The following ABHD12 variants were observed in gnomAD, a reference collection of about 807,000 sequenced individuals.
ABHD12 encodes abhydrolase domain containing 12, lysophospholipase.
ABHD12 carries 43 observed loss-of-function variants against 58.3 expected under a neutral mutation model. That is an observed-to-expected ratio of 0.74 (90% CI 0.58 to 0.95). The LOEUF (loss-of-function observed/expected upper bound fraction) is 0.95. Ranked by LOEUF, ABHD12 falls within the 40% of genes least tolerant of loss-of-function variation. The pLI, the probability that ABHD12 is intolerant of heterozygous loss-of-function variation, is 0.00. For missense variants in ABHD12, 539 were observed against 537.2 expected, an observed-to-expected ratio of 1.00 and a Z score of -0.03; for synonymous variants, 219 against 211.2, an observed-to-expected ratio of 1.04 and a Z score of -0.32.
intron 6 of ABHD12, among the ~76,000 whole-genome samples, chr20:25,309,804 C>A (rs1404560047): frequency 5.9e-5 from 9 of 152,184 alleles, no homozygotes; most frequent in Non-Finnish European, 1.0e-4. Flanking sequence ...CCAGCAGCAA[C>A]CCTGCCCTGC....
exon 13 of ABHD12, chr20:25,294,961 T>A: frequency 6.2e-7 from 1 of 1,614,138 alleles, no homozygotes; most frequent in Non-Finnish European, 8.5e-7. Flanking sequence ...CCGTGTCACC[T>A]GTTGGCTTCA....
chr20:25,307,838 G>A (rs2088773158), intron 9 of ABHD12, 128 bp downstream of exon 9: 1 of 401,216 alleles, frequency 2.5e-6, no homozygotes. Context: ...AATTTTTAAT[G>A]AAATCTGTAT....
downstream of ABHD12, among the ~76,000 whole-genome samples, chr20:25,298,328 C>T (rs368072352): frequency 1.3e-5 from 2 of 152,064 alleles, no homozygotes; most frequent in African/African-American, 4.8e-5. Context: ...TGCAGTGGCA[C>T]GGTCTTGGCT....
intron 1 of ABHD12, among the ~76,000 whole-genome samples, chr20:25,356,721 G>T (rs1231059717): frequency 6.6e-6 from 1 of 152,212 alleles, no homozygotes; most frequent in Non-Finnish European, 1.5e-5. Flanking sequence ...AGAGTGGTAG[G>T]AGAGGGGTCT....
intron 2 of ABHD12, among the ~76,000 whole-genome samples, chr20:25,338,531 T>C (rs2089409822): frequency 6.6e-6 from 1 of 152,134 alleles, no homozygotes; most frequent in South Asian, 2.1e-4. Flanking sequence ...GCCTCTGCCT[T>C]TGACCTCATG....
At chr20:25,354,770 G>GA (rs960690407) in intron 1 of ABHD12, among the ~76,000 whole-genome samples, 32 of 150,440 alleles carry the variant, frequency 2.1e-4, no homozygotes, top group African/African-American at 6.3e-4. Context: ...TACTATTTTA[G>GA]AAAAAAAAAA....
Position 25,322,378 on chromosome 20 carries a change from TA to T in ABHD12, c.422+946del, listed in dbSNP as rs1227929888. Among the ~76,000 whole-genome samples, 71 of 58,880 alleles carry T rather than the reference TA, an allele frequency of 1.2e-3. 6 individuals are homozygous for T. The highest frequency in any genetic ancestry group is 7.9e-3 in the Middle Eastern group (1 of 126). 38.6% of individuals were successfully genotyped at this position (58,880 alleles called of 152,430 possible). On this transcript the variant is annotated intron_variant, in intron 3 of 12. Transcript: ENST00000339157. ...CTTGGAAAAGATATATATATATATA[TA>T]TATTTTTTTTTTTTTTTGAGACAAG...
rs61061019 is a variant in ABHD12, at chr20:25,350,959, T to TCACACA, written c.192-11614_192-11609dup. On this transcript the variant is annotated intron_variant, in intron 1 of 12. Transcript: ENST00000339157. ...CAGAGGCTTCCATCCTACGAATCCT[T>TCACACA]CACACACACACACACACACACACAC... 3.0e-3 allele frequency among the ~76,000 whole-genome samples: 421 copies of TCACACA among 142,288 alleles called. 1 individual carries two copies. Among genetic ancestry groups the TCACACA allele is most frequent in the East Asian group, 9.2e-3 (39 of 4,244 alleles). The allele number at this position is 142,288 out of a possible 152,430, so 93.3% of individuals were successfully genotyped here. A position where few individuals can be genotyped will look rare whatever the true frequency, so the allele number is the denominator to read the frequency against.
chr20:25,389,129 T>C (rs1347530957), intron 1 of ABHD12, among the ~76,000 whole-genome samples: 1 of 152,170 alleles, frequency 6.6e-6, no homozygotes, highest in Non-Finnish European at 1.5e-5. Context: ...GAAGGAAGAA[T>C]TTTCCAATTT....
At chr20:25,380,039 T>C (rs77024032) in intron 1 of ABHD12, among the ~76,000 whole-genome samples, 2,335 of 152,298 alleles carry the variant, frequency 0.015, 58 homozygotes, top group African/African-American at 0.054. Flanking sequence ...ACGATGCTTT[T>C]GAAAATTTGT....
intron 1 of ABHD12, among the ~76,000 whole-genome samples, chr20:25,342,127 A>G (rs2089462823): frequency 7.2e-6 from 1 of 138,382 alleles, no homozygotes; most frequent in African/African-American, 2.7e-5. Flanking sequence ...AAAAAAAAAA[A>G]GTTCACAGCT....
intron 1 of ABHD12, among the ~76,000 whole-genome samples, chr20:25,379,858 C>CTT (rs961320400): frequency 5.5e-5 from 8 of 145,488 alleles, no homozygotes; most frequent in African/African-American, 2.0e-4. Flanking sequence ...CTGGCTAATT[C>CTT]TTTTTTTTTT....
chr20:25,315,710 C>A (rs1042023620), intron 5 of ABHD12, among the ~76,000 whole-genome samples: 3 of 152,230 alleles, frequency 2.0e-5, no homozygotes, highest in African/African-American at 7.2e-5. Flanking sequence ...TGAATCATTT[C>A]TTTTAACAGA....
At position 25,317,096 on chromosome 20, in the gene ABHD12, A is replaced by G; in HGVS notation, c.543-18T>C. 1 of 1,606,514 alleles carries G rather than the reference A, an allele frequency of 6.2e-7. No individual in the cohort carries two copies. The highest frequency in any genetic ancestry group is 8.5e-7 in the Non-Finnish European group (1 of 1,174,084). On this transcript the variant is annotated intron_variant, in intron 4 of 12. Coordinates refer to ENST00000339157, the MANE Select transcript of ABHD12 (RefSeq NM_001042472.3). Reference sequence around the variant, plus strand: ...CGCCTCCTCTGGAGAAGAAAACAGGACATGGTGTGAGCACATCTTCTCAGA... The same window carrying G: ...CGCCTCCTCTGGAGAAGAAAACAGGGCATGGTGTGAGCACATCTTCTCAGA...
intron 1 of ABHD12, among the ~76,000 whole-genome samples, chr20:25,378,789 TA>T (rs1472810099): frequency 6.6e-6 from 1 of 151,960 alleles, no homozygotes; most frequent in Non-Finnish European, 1.5e-5. Context: ...GGTATGCGTG[TA>T]TTCCCTCACT....
intron 1 of ABHD12, among the ~76,000 whole-genome samples, chr20:25,382,156 T>C (rs1032502403): frequency 2.6e-5 from 4 of 152,162 alleles, no homozygotes; most frequent in African/African-American, 9.7e-5. Context: ...AGCCAGAGAA[T>C]CTGAAAACTC....
chr20:25,306,777 G>C, intron 10 of ABHD12, 56 bp downstream of exon 10: 2 of 1,230,806 alleles, frequency 1.6e-6, no homozygotes, highest in South Asian at 1.3e-5. Flanking sequence ...GGCTCATCCA[G>C]AGGTTCTCAG....
intron 1 of ABHD12, among the ~76,000 whole-genome samples, chr20:25,350,230 T>G (rs529118450): frequency 6.6e-6 from 1 of 152,178 alleles, no homozygotes; most frequent in Non-Finnish European, 1.5e-5. Flanking sequence ...AACACTATTC[T>G]GGAAGTGCAA....
intron 2 of ABHD12, among the ~76,000 whole-genome samples, chr20:25,324,511 G>A (rs1022902740): frequency 1.3e-5 from 2 of 152,230 alleles, no homozygotes; most frequent in Non-Finnish European, 2.9e-5. Flanking sequence ...ACTCCCAAAA[G>A]AGGCAATGAC....
Sources: gnomAD v4.1 joint callset for allele counts (sites outside exome capture counted in the v4.1 genomes callset) on GRCh38, gnomAD v4.1.1 for gene constraint, MANE v1.5 for transcripts, NCBI Gene and HGNC (gene_info 2026-07-23, HGNC 2026-07-21) for gene names.